Variants in STOX2 observed in about 807,000 individuals in gnomAD.
STOX2 encodes storkhead box 2.
A neutral mutation model predicts 60.9 loss-of-function variants in STOX2; 28 were observed. That is an observed-to-expected ratio of 0.46 (90% CI 0.34 to 0.63). The LOEUF (loss-of-function observed/expected upper bound fraction) is 0.63, where lower values mean the gene tolerates loss of function less well. STOX2 is among the 30% of genes least tolerant of loss of function. The pLI is 0.01. For missense variants in STOX2, 1,024 were observed against 1,187.7 expected (o/e 0.86, Z 2.03); for synonymous variants, 472 against 463.9 (o/e 1.02, Z -0.22).
chr4:184,006,658 A>G (rs1733841082), intron 2 of STOX2, among the ~76,000 whole-genome samples: 1 of 136,228 alleles, frequency 7.3e-6, no homozygotes, highest in Admixed American at 8.3e-5. Context: ...ACTGCACTCC[A>G]GCCTGCGCAA....
intron 1 of STOX2, among the ~76,000 whole-genome samples, chr4:183,998,315 G>A (rs1733433593): frequency 6.6e-6 from 1 of 152,050 alleles, no homozygotes; most frequent in South Asian, 2.1e-4. Context: ...TGACTTTCAG[G>A]TCCATATGGC....
chr4:183,933,744 A>G (rs1218362693), intron 1 of STOX2, among the ~76,000 whole-genome samples: 2 of 152,160 alleles, frequency 1.3e-5, no homozygotes, highest in African/African-American at 2.4e-5. Flanking sequence ...TATTGCTAAC[A>G]ATTACATTTA....
Position 184,010,235 on chromosome 4 carries a change from A to G in STOX2, c.1397A>G (p.Lys466Arg). The G allele has an allele frequency of 6.4e-7, 1 of 1,558,808 alleles. No individual in the cohort carries two copies. ...PEPSRGSSHS[K>R]VHRSHSHTQD... ...CCTTCTAGGGGAAGCTCCCACTCAA[A>G]AGTGCACCGAAGCCACAGCCATACA... is the stretch of plus-strand genomic sequence containing the variant. The change falls in exon 3 of 4, where the codon AAA becomes AGA. Residue 466 changes from lysine (K) to arginine (R), a missense_variant. By Grantham distance (26) the Lys-to-Arg change is conservative. Transcript: ENST00000308497. This position sits in a 1 kb window ranked among gnomAD's most constrained non-coding sequence, Gnocchi z 4.5.
chr4:183,861,991 T>C (rs1740459138), intron 1 of STOX2, among the ~76,000 whole-genome samples: 3 of 152,120 alleles, frequency 2.0e-5, no homozygotes, highest in Admixed American at 2.0e-4. Flanking sequence ...TCTTACCGAA[T>C]GTAGCCATTT....
chr4:183,920,729 T>C (rs1017905443), intron 1 of STOX2, among the ~76,000 whole-genome samples: 3 of 152,190 alleles, frequency 2.0e-5, no homozygotes, highest in African/African-American at 7.2e-5. Flanking sequence ...TTCCTCTTTT[T>C]AGCACCTTAG....
At chr4:183,966,477 C>T (rs1191950851) in intron 1 of STOX2, among the ~76,000 whole-genome samples, 2 of 152,184 alleles carry the variant, frequency 1.3e-5, no homozygotes, top group Non-Finnish European at 2.9e-5. Flanking sequence ...GACAGATGGA[C>T]GGGTCTCTTG....
intron 1 of STOX2, among the ~76,000 whole-genome samples, chr4:183,819,491 G>A (rs1213592593): frequency 6.6e-6 from 1 of 150,890 alleles, no homozygotes; most frequent in African/African-American, 2.4e-5. Context: ...CAGAGATGGT[G>A]GCAGTACAGT....
chr4:183,901,241 T>C (rs1368626002), upstream of STOX2, among the ~76,000 whole-genome samples: 1 of 152,220 alleles, frequency 6.6e-6, no homozygotes, highest in African/African-American at 2.4e-5. Flanking sequence ...TTGGACAAGA[T>C]TTCCTCTCTT....
At position 183,821,104 on chromosome 4, in the gene STOX2, TC is replaced by T. The variant is rs1038821433; in HGVS notation, c.364+23050del. Among the ~76,000 whole-genome samples the T allele has an allele frequency of 7.2e-5, 11 of 152,076 alleles. No homozygotes were observed. The highest frequency in any genetic ancestry group is 2.7e-4 in the African/African-American group (11 of 41,398). ...CCTCTGGCAACAGAGTGAGACCCTG[TC>T]TCAAAGAAAAAGAAAAAAGAAAAAG... On this transcript the variant is annotated intron_variant, in intron 1 of 2. Transcript: ENST00000513034. This position sits in a 1 kb window ranked among gnomAD's most constrained non-coding sequence, Gnocchi z 4.2.
chr4:183,824,146 T>TA (rs1430011701), intron 1 of STOX2, among the ~76,000 whole-genome samples: 2 of 152,258 alleles, frequency 1.3e-5, no homozygotes, highest in African/African-American at 4.8e-5. Context: ...CTTTAGCTCA[T>TA]AAACCGTCAC....
At chr4:183,951,096 G>T (rs865955311) in intron 1 of STOX2, among the ~76,000 whole-genome samples, 3 of 151,584 alleles carry the variant, frequency 2.0e-5, no homozygotes, top group South Asian at 2.1e-4. Context: ...GGCGCCTGTA[G>T]TCCCAGCTAC....
rs542894721 is a variant in STOX2, at chr4:183,908,974, G to A, written c.166+2018G>A. 3.9e-5 allele frequency among the ~76,000 whole-genome samples: 6 copies of A among 152,248 alleles called. No homozygotes were observed. The South Asian group carries it at 6.2e-4, about 16-fold the overall frequency. ...GGGGTTATAGGGTTGGATATAATAC[G>A]GTTCTTGCCCAGGGAGGGAGGCTTA... On this transcript the variant is annotated intron_variant, in intron 1 of 3. Coordinates refer to ENST00000308497, the MANE Select transcript of STOX2 (RefSeq NM_020225.3).
intron 1 of STOX2, among the ~76,000 whole-genome samples, chr4:183,873,708 T>C (rs1246414294): frequency 6.6e-6 from 1 of 152,218 alleles, no homozygotes; most frequent in Non-Finnish European, 1.5e-5. Context: ...CTTTGAGTTC[T>C]TTGGAAGAAA....
chr4:183,811,161 C>T (rs1042618795), intron 1 of STOX2, among the ~76,000 whole-genome samples: 2 of 152,114 alleles, frequency 1.3e-5, no homozygotes, highest in African/African-American at 4.8e-5. Flanking sequence ...TGTCACTGAC[C>T]AAGTTTCAAA....
chr4:183,957,353 A>G (rs1209023089), intron 1 of STOX2, among the ~76,000 whole-genome samples: 1 of 152,064 alleles, frequency 6.6e-6, no homozygotes, highest in African/African-American at 2.4e-5. Flanking sequence ...TTGTTTTCCA[A>G]CAGCCTTTGA....
Position 184,001,466 on chromosome 4 carries a change from C to T in STOX2, c.308C>T (p.Thr103Met), listed in dbSNP as rs964066342. 11 of 1,613,640 alleles carry T rather than the reference C, an allele frequency of 6.8e-6. No individual in the cohort carries two copies. The highest frequency in any genetic ancestry group is 2.7e-5 in the African/African-American group (2 of 74,872). The change falls in exon 2 of 4, where the codon ACG becomes ATG. Residue 103 changes from threonine to methionine, a missense_variant. By Grantham distance (81) the Thr-to-Met change is moderately conservative (BLOSUM62 -1). Transcript: ENST00000308497. This position sits in a 1 kb window ranked among gnomAD's most constrained non-coding sequence, Gnocchi z 4.2. ...TQEALMEHLT[T>M]CFPGVPTPSQ... ...GAAGCACTGATGGAGCACCTGACCA[C>T]GTGCTTCCCAGGTAACGAGGCGGGA...
rs533615313 is a variant in STOX2 at position 183,805,329 on chromosome 4, A to G, written c.364+7274A>G. Among the ~76,000 whole-genome samples, 52 of 152,310 alleles carry G rather than the reference A, an allele frequency of 3.4e-4. No homozygotes were observed. In the South Asian group the frequency reaches 0.01, roughly 30 times the overall value. On this transcript the variant is annotated intron_variant, in intron 1 of 2. Coordinates refer to the STOX2 transcript ENST00000513034. The stretch of plus-strand genomic sequence containing the variant: ...GTTGCATAGCTGTAGACATGATATG[A>G]TTTCCAACATTTCTTAATTTGGGGG...
chr4:183,799,692 T>C (rs929425851), intron 1 of STOX2, among the ~76,000 whole-genome samples: 1 of 151,638 alleles, frequency 6.6e-6, no homozygotes, highest in Non-Finnish European at 1.5e-5. Context: ...AGACATTATA[T>C]CAACTTGATT....
intron 1 of STOX2, among the ~76,000 whole-genome samples, chr4:183,910,108 G>T (rs185052205): frequency 6.6e-6 from 1 of 152,308 alleles, no homozygotes. Flanking sequence ...TGTTCATCTT[G>T]AATATTAATT....
Sources: gnomAD v4.1 joint callset for allele counts (sites outside exome capture counted in the v4.1 genomes callset) on GRCh38, gnomAD v4.1.1 for gene constraint, Gnocchi (gnomAD v3.1) non-coding constraint, MANE v1.5 for transcripts, NCBI Gene and HGNC (gene_info 2026-07-23, HGNC 2026-07-21) for gene names.